Variants in INTU observed in about 807,000 individuals in gnomAD.
INTU encodes protein inturned.
A neutral mutation model predicts 100.5 loss-of-function variants in INTU; 68 were observed. That is an observed-to-expected ratio of 0.68 (90% CI 0.56 to 0.83). The LOEUF is 0.83. Ranked by LOEUF, INTU falls within the 40% of genes least tolerant of loss-of-function variation. The probability of loss-of-function intolerance (pLI) is 0.00; values close to 1 mark genes in which losing one functional copy is unlikely to be tolerated. For missense variants in INTU, 1,071 were observed against 1,114.7 expected, an observed-to-expected ratio of 0.96 and a Z score of 0.56; for synonymous variants, 357 against 395.7, an observed-to-expected ratio of 0.90 and a Z score of 1.16.
intron 2 of INTU, among the ~76,000 whole-genome samples, chr4:127,651,062 G>T (rs1436542555): frequency 6.6e-6 from 1 of 152,060 alleles, no homozygotes; most frequent in Non-Finnish European, 1.5e-5. Context: ...TTTTGATGGG[G>T]TTGTTTGTTT....
At position 127,687,775 on chromosome 4, in the gene INTU, A is replaced by G. The variant is rs761563223; in HGVS notation, c.1357A>G (p.Ser453Gly). 1.2e-6 allele frequency: 2 copies of G among 1,613,662 alleles called. No individual in the cohort carries two copies. Among genetic ancestry groups the G allele is most frequent in the South Asian group, 2.2e-5 (2 of 91,034 alleles). Residue 453 changes from serine to glycine, a missense_variant, in exon 8 of 16, where the codon AGT becomes GGT. Physicochemically the swap from Ser to Gly is moderately conservative, Grantham distance 56 (BLOSUM62 0). Coordinates refer to ENST00000335251, the MANE Select transcript of INTU (RefSeq NM_015693.4). ...GCCTGCGAAACTGCATTCCAGCGCC[A>G]GTCCCAGTGCTCAGCAGTACGATGC... The part of the protein sequence containing the change: ...LQPAKLHSSA[S>G]PSAQQYDASS...
At chr4:127,707,392 C>CAAA (rs71587331) in intron 12 of INTU, among the ~76,000 whole-genome samples, 118 of 44,380 alleles carry the variant, frequency 2.7e-3, no homozygotes, top group Admixed American at 3.9e-3. Context: ...GACTCTGTCT[C>CAAA]AAAAAAAAAA....
intron 1 of INTU, among the ~76,000 whole-genome samples, chr4:127,641,012 C>CCT (rs35087007): frequency 2.0e-5 from 3 of 150,118 alleles, no homozygotes; most frequent in Non-Finnish European, 4.4e-5. Flanking sequence ...AACATGAATC[C>CCT]CTCTCTCTCT....
intron 3 of INTU, 25 bp from the exon 4 acceptor site, chr4:127,663,356 C>T: frequency 6.3e-7 from 1 of 1,582,350 alleles, no homozygotes; most frequent in South Asian, 1.1e-5. Flanking sequence ...GTCGAAAAGT[C>T]AACACATTGT....
chr4:127,678,632 G>T (rs1479638327), intron 6 of INTU, among the ~76,000 whole-genome samples: 2 of 151,982 alleles, frequency 1.3e-5, no homozygotes, highest in African/African-American at 4.8e-5. Flanking sequence ...AACTGGTACC[G>T]GCCACTGCAA....
At chr4:127,668,495 A>G (rs1728788947) in intron 4 of INTU, among the ~76,000 whole-genome samples, 1 of 151,732 alleles carries the variant, frequency 6.6e-6, no homozygotes, top group Non-Finnish European at 1.5e-5. Flanking sequence ...TCTATATTAT[A>G]ATTTAGTTCT....
intron 2 of INTU, among the ~76,000 whole-genome samples, chr4:127,648,176 G>A (rs1008827121): frequency 6.6e-6 from 1 of 152,004 alleles, no homozygotes. Context: ...TTTGAAATGG[G>A]ACAGATCATA....
intron 3 of INTU, among the ~76,000 whole-genome samples, chr4:127,658,591 T>C (rs1225815878): frequency 6.6e-6 from 1 of 152,200 alleles, no homozygotes; most frequent in African/African-American, 2.4e-5. Context: ...TTCTTGCCTA[T>C]GTTGGTTGCA....
At chr4:127,652,830 G>T (rs1378755791) in intron 2 of INTU, among the ~76,000 whole-genome samples, 1 of 132,414 alleles carries the variant, frequency 7.6e-6, no homozygotes, top group Non-Finnish European at 1.6e-5. Context: ...GGTAGAATTC[G>T]GCTGTGAATC....
Position 127,674,139 on chromosome 4 carries a change from A to G in INTU, c.1107A>G (p.Leu369=), listed in dbSNP as rs1227984325. ...GTQVTSSSLL[L]NGKQIHVAYW... ...TGTTTCTTAGTTCATCCCTCCTTTT[A>G]AATGGAAAACAAATTCATGTGGCTT... The change falls in exon 6 of 16, where the codon TTA becomes TTG. Residue 369 remains leucine (L), a synonymous_variant. Coordinates refer to ENST00000335251, the MANE Select transcript of INTU (RefSeq NM_015693.4). The G allele has an allele frequency of 6.2e-7, 1 of 1,611,202 alleles. No homozygotes were observed. The highest frequency in any genetic ancestry group is 8.5e-7 in the Non-Finnish European group (1 of 1,178,472).
At chr4:127,682,491 A>G (rs865849565) in intron 6 of INTU, among the ~76,000 whole-genome samples, 2 of 151,566 alleles carry the variant, frequency 1.3e-5, no homozygotes, top group African/African-American at 4.8e-5. Flanking sequence ...ATTCTATCGC[A>G]AGAATAAAAA....
rs775979136 is a variant in INTU at position 127,684,389 on chromosome 4, G to T, written c.1182-20G>T. 3 of 1,320,478 alleles carry T rather than the reference G, an allele frequency of 2.3e-6. No homozygotes were observed. Among genetic ancestry groups the T allele is most frequent in the Admixed American group, 1.9e-5 (1 of 53,756 alleles). The allele number at this position is 1,320,478 out of a possible 1,614,324, so 81.8% of individuals were successfully genotyped here. On this transcript the variant is annotated intron_variant, in intron 6 of 15. Coordinates refer to ENST00000335251, the MANE Select transcript of INTU (RefSeq NM_015693.4). The stretch of plus-strand genomic sequence containing the variant: ...ATTTGATTATGTTGTAAATTAATAC[G>T]TGTAATTTTGCTTTTTTAGAGTTCC...
chr4:127,673,234 TG>T (rs1414220433), intron 5 of INTU, among the ~76,000 whole-genome samples: 1 of 152,064 alleles, frequency 6.6e-6, no homozygotes, highest in East Asian at 1.9e-4. Flanking sequence ...CTGGAGTGCA[TG>T]GTGCAATCAT....
In INTU at chr4:127,705,624, G is replaced by A. The variant is rs745760590; in HGVS notation, c.1600G>A (p.Asp534Asn). The change falls in exon 11 of 16, where the codon GAT becomes AAT. Residue 534 changes from aspartate to asparagine, a missense_variant. Asp to Asn is a conservative substitution (Grantham distance 23). Transcript: ENST00000335251. ...YLICSHLPKD[D>N]LIDIAVYCRH... The stretch of plus-strand genomic sequence containing the variant: ...GATATGCAGTCATTTGCCCAAGGAT[G>A]ATCTTATTGATATTGCCGTATACTG... 9 of 1,613,880 alleles carry A rather than the reference G, an allele frequency of 5.6e-6. No individual in the cohort carries two copies. Among genetic ancestry groups the A allele is most frequent in the South Asian group, 4.4e-5 (4 of 91,046 alleles).
chr4:127,694,716 ATAT>A (rs1214839685), intron 8 of INTU, among the ~76,000 whole-genome samples: 1 of 152,106 alleles, frequency 6.6e-6, no homozygotes, highest in African/African-American at 2.4e-5. Context: ...GTCTAGATTG[ATAT>A]TTTTTATATG....
intron 2 of INTU, among the ~76,000 whole-genome samples, chr4:127,651,537 G>A (rs977516806): frequency 8.0e-4 from 121 of 152,196 alleles, no homozygotes; most frequent in Middle Eastern, 3.4e-3. Context: ...GTAGATAAGC[G>A]GCGTTATTTC....
At chr4:127,698,033 T>G (rs573174565) in intron 8 of INTU, among the ~76,000 whole-genome samples, 2 of 152,236 alleles carry the variant, frequency 1.3e-5, no homozygotes, top group South Asian at 4.1e-4. Flanking sequence ...GGCAGGAGAA[T>G]CACTTGAACC....
chr4:127,691,145 A>C (rs1434962892), intron 8 of INTU, among the ~76,000 whole-genome samples: 1 of 152,084 alleles, frequency 6.6e-6, no homozygotes, highest in African/African-American at 2.4e-5. Flanking sequence ...TCACTTAGTA[A>C]TATACATTTT....
chr4:127,719,344 G>T lies in INTU; in HGVS notation c.*2908G>T, dbSNP rs1318510929. On this transcript the variant is annotated 3_prime_UTR_variant, in exon 16 of 16. Transcript: ENST00000335251. ...CCGGGAATGAAGCCAACTTGATCGT[G>T]GTGGATAAGCTTTTTGATGTGCTGC... 6.6e-6 allele frequency: 1 copy of T among 152,182 alleles called. No individual in the cohort carries two copies. The highest frequency in any genetic ancestry group is 2.4e-5 in the African/African-American group (1 of 41,452). 9.4% of individuals were successfully genotyped at this position (152,182 alleles called of 1,614,324 possible).
Sources: gnomAD v4.1 joint callset for allele counts (sites outside exome capture counted in the v4.1 genomes callset) on GRCh38, gnomAD v4.1.1 for gene constraint, MANE v1.5 for transcripts, NCBI Gene and HGNC (gene_info 2026-07-23, HGNC 2026-07-21) for gene names.